Variants in NAALADL2 observed in about 807,000 individuals in gnomAD.
NAALADL2 encodes the protein inactive N-acetylated-alpha-linked acidic dipeptidase-like protein 2.
NAALADL2 carries 76 observed loss-of-function variants against 87.2 expected under a neutral mutation model. That is an observed-to-expected ratio of 0.87 (90% confidence interval 0.72 to 1.05). NAALADL2 has a LOEUF of 1.05. Ranked by LOEUF, NAALADL2 falls within the 50% of genes least tolerant of loss-of-function variation. NAALADL2 has a pLI of 0.00. For synonymous variants in NAALADL2, 354 were observed against 331.0 expected (o/e 1.07, Z -0.75); for missense variants, 1,089 against 945.8 (o/e 1.15, Z -1.99).
chr3:174,804,454 T>C (rs557854852), intron 3 of NAALADL2, among the ~76,000 whole-genome samples: 15 of 152,310 alleles, frequency 9.8e-5, no homozygotes, highest in Admixed American at 6.5e-4. Flanking sequence ...TGAATACCCA[T>C]TATTTCTTTC....
chr3:175,012,320 A>G (rs922759165), intron 1 of NAALADL2, among the ~76,000 whole-genome samples: 9 of 149,422 alleles, frequency 6.0e-5, no homozygotes, highest in African/African-American at 2.2e-4. Flanking sequence ...ATATGCCACC[A>G]GGCCTGGCTA....
In NAALADL2 at chr3:175,234,080, C is replaced by T; in HGVS notation, c.695C>T (p.Thr232Ile). ...CCAGGCCCTTCTCCCAGCACTGTGACTCTGAGCAGCAGTGGTCAATGCTTT... is the reference window on the plus strand; with the variant it reads ...CCAGGCCCTTCTCCCAGCACTGTGATTCTGAGCAGCAGTGGTCAATGCTTT... ...DLPGPSPSTV[T>I]LSSSGQCFHP... The change falls in exon 3 of 14, where the codon ACT (threonine) becomes ATT (isoleucine). Residue 232 changes from threonine (T) to isoleucine (I), a missense_variant. Coordinates refer to ENST00000454872, the MANE Select transcript of NAALADL2 (RefSeq NM_207015.3). 6.2e-7 allele frequency: 1 copy of T among 1,613,910 alleles called. No individual in the cohort carries two copies. The highest frequency in any genetic ancestry group is 2.2e-5 in the East Asian group (1 of 44,876).
intron 5 of NAALADL2, among the ~76,000 whole-genome samples, chr3:175,373,624 G>C (rs568900184): frequency 6.6e-6 from 1 of 152,156 alleles, no homozygotes; most frequent in African/African-American, 2.4e-5. Flanking sequence ...TAATATGAAT[G>C]TTCACGTACA....
rs1228713239 is a variant in NAALADL2, at chr3:174,511,692, T to C, written c.-183-38877T>C. On this transcript the variant is annotated intron_variant, in intron 1 of 3. Transcript: ENST00000434257. Reference sequence around the variant, plus strand: ...AGGCTTAAATCTATCTTGGTGTTTGTTTTCTATTTCTCTTATCTGTTTTTT... The same window carrying C: ...AGGCTTAAATCTATCTTGGTGTTTGCTTTCTATTTCTCTTATCTGTTTTTT... Among the ~76,000 whole-genome samples the C allele has an allele frequency of 6.6e-5, 10 of 151,972 alleles. No individual in the cohort carries two copies. The East Asian group carries it at 1.9e-3, about 29-fold the overall frequency.
chr3:175,634,311 A>G (rs1728208578), intron 11 of NAALADL2, among the ~76,000 whole-genome samples: 1 of 151,982 alleles, frequency 6.6e-6, no homozygotes, highest in Admixed American at 6.6e-5. Flanking sequence ...GCAAAATATA[A>G]ATCTGAATTA....
chr3:174,787,605 A>ATATATATATATATATATG (rs1553855453), intron 3 of NAALADL2, among the ~76,000 whole-genome samples: 1 of 89,248 alleles, frequency 1.1e-5, no homozygotes. Context: ...ATATATATAT[A>ATATATATATATATATATG]TATATATATA....
At chr3:175,161,851 T>C (rs1733272051) in intron 2 of NAALADL2, among the ~76,000 whole-genome samples, 1 of 152,202 alleles carries the variant, frequency 6.6e-6, no homozygotes, top group East Asian at 1.9e-4. Flanking sequence ...GCAGTCATTC[T>C]GATGGTGTCT....
intron 1 of NAALADL2, among the ~76,000 whole-genome samples, chr3:174,457,167 C>T (rs548007924): frequency 3.3e-5 from 5 of 152,240 alleles, no homozygotes; most frequent in African/African-American, 1.2e-4. Flanking sequence ...CATCTCCTAC[C>T]TGTCAAAATG....
At chr3:175,283,065 A>G (rs938729522) in intron 4 of NAALADL2, among the ~76,000 whole-genome samples, 1 of 152,052 alleles carries the variant, frequency 6.6e-6, no homozygotes, top group African/African-American at 2.4e-5. Flanking sequence ...TTATAGACAC[A>G]ATGTTTGTTC....
intron 13 of NAALADL2, among the ~76,000 whole-genome samples, chr3:175,766,598 A>G (rs1209182352): frequency 6.6e-6 from 1 of 152,218 alleles, no homozygotes; most frequent in Non-Finnish European, 1.5e-5. Flanking sequence ...CTATGAAATC[A>G]TGTTAGACAT....
chr3:174,540,951 T>C (rs1722170176), intron 1 of NAALADL2, among the ~76,000 whole-genome samples: 1 of 152,184 alleles, frequency 6.6e-6, no homozygotes, highest in South Asian at 2.1e-4. Context: ...TTTTGCCATA[T>C]GGAGGTAGAA....
rs117006808 is a variant in NAALADL2 at position 175,012,808 on chromosome 3, A to G, written c.44-83982A>G. On this transcript the variant is annotated intron_variant, in intron 1 of 13. Transcript: ENST00000454872. ...TTTACAGGAAAGTTTGCCAAGCTCTATTCTAAAGATGTTCTTCCTGTTAAA... is the reference window on the plus strand; with the variant it reads ...TTTACAGGAAAGTTTGCCAAGCTCTGTTCTAAAGATGTTCTTCCTGTTAAA... Among the ~76,000 whole-genome samples, 64 of 151,906 alleles carry G rather than the reference A, an allele frequency of 4.2e-4. No individual in the cohort carries two copies. The East Asian group carries it at 9.0e-3, about 21-fold the overall frequency.
chr3:175,064,061 G>A (rs1174621043), intron 1 of NAALADL2, among the ~76,000 whole-genome samples: 1 of 151,866 alleles, frequency 6.6e-6, no homozygotes, highest in Non-Finnish European at 1.5e-5. Flanking sequence ...CAGGAACCAG[G>A]TTCATCCCAG....
intron 5 of NAALADL2, among the ~76,000 whole-genome samples, chr3:175,400,987 C>A (rs1770497121): frequency 6.6e-6 from 1 of 152,158 alleles, no homozygotes; most frequent in South Asian, 2.1e-4. Context: ...AGCCTTTATG[C>A]AGCAAGTTAA....
At chr3:175,013,063 A>ATATATATAAATATATAATATATATT (rs1750096647) in intron 1 of NAALADL2, among the ~76,000 whole-genome samples, 1 of 35,846 alleles carries the variant, frequency 2.8e-5, no homozygotes, top group African/African-American at 1.1e-4. Flanking sequence ...ATATATACAC[A>ATATATATAAATATATAATATATATT]TATATATAAA....
chr3:174,910,170 A>G (rs1483751461), intron 1 of NAALADL2, among the ~76,000 whole-genome samples: 1 of 151,952 alleles, frequency 6.6e-6, no homozygotes, highest in Non-Finnish European at 1.5e-5. Flanking sequence ...ATATACATAT[A>G]TATATATCAC....
chr3:175,316,311 C>G (rs1019771992), intron 4 of NAALADL2, among the ~76,000 whole-genome samples: 3 of 152,146 alleles, frequency 2.0e-5, no homozygotes, highest in African/African-American at 7.2e-5. Flanking sequence ...GGTATTCCCT[C>G]TTTTGCCCAC....
At chr3:175,403,460 A>C (rs1201467732) in intron 5 of NAALADL2, among the ~76,000 whole-genome samples, 1 of 152,132 alleles carries the variant, frequency 6.6e-6, no homozygotes, top group African/African-American at 2.4e-5. Flanking sequence ...ATATGCCAAC[A>C]TAAAGCCAAA....
At chr3:175,063,824 A>G (rs1185443749) in intron 1 of NAALADL2, among the ~76,000 whole-genome samples, 1 of 152,100 alleles carries the variant, frequency 6.6e-6, no homozygotes, top group Non-Finnish European at 1.5e-5. Context: ...GCTTTTTAGC[A>G]GTTTAAAATA....
Sources: allele counts gnomAD v4.1 joint callset (sites outside exome capture counted in the v4.1 genomes callset), GRCh38; gene constraint gnomAD v4.1.1; transcripts MANE v1.5; gene names NCBI Gene and HGNC (gene_info 2026-07-23, HGNC 2026-07-21).